Variants in ANK2 observed in about 807,000 individuals in gnomAD.
ANK2 encodes the protein ankyrin-2.
A neutral mutation model predicts 360.5 loss-of-function variants in ANK2; 83 were observed. That is an observed-to-expected ratio of 0.23 (90% CI 0.19 to 0.28). ANK2 has a LOEUF of 0.28. Among genes scored for constraint, ANK2 ranks in the 10% least tolerant of loss-of-function variants. The pLI, the probability that ANK2 is intolerant of heterozygous loss-of-function variation, is 1.00. For missense variants in ANK2, 4,201 were observed against 4,795.7 expected, an observed-to-expected ratio of 0.88 and a Z score of 3.66; for synonymous variants, 1,740 against 1,759.5, an observed-to-expected ratio of 0.99 and a Z score of 0.28.
chr4:113,268,324 G>A (rs1243189220), intron 14 of ANK2, among the ~76,000 whole-genome samples: 1 of 152,114 alleles, frequency 6.6e-6, no homozygotes, highest in African/African-American at 2.4e-5. Flanking sequence ...TTCTTGTCTT[G>A]TGCAGCTTTT....
At chr4:112,936,356 T>A (rs2154241962) in intron 2 of ANK2, among the ~76,000 whole-genome samples, 1 of 152,242 alleles carries the variant, frequency 6.6e-6, no homozygotes, top group African/African-American at 2.4e-5. Flanking sequence ...ATCCTTTTTT[T>A]TTTTTTTGAG....
Position 113,149,822 on chromosome 4 carries a change from A to C in ANK2, c.85-24594A>C, listed in dbSNP as rs1018456493. 1.3e-4 allele frequency among the ~76,000 whole-genome samples: 18 copies of C among 133,848 alleles called. 1 individual carries two copies. The highest frequency in any genetic ancestry group is 4.8e-4 in the African/African-American group (17 of 35,262). The allele number at this position is 133,848 out of a possible 152,430, so 87.8% of individuals were successfully genotyped here. A position where few individuals can be genotyped will look rare whatever the true frequency, so the allele number is the denominator to read the frequency against. On this transcript the variant is annotated intron_variant, in intron 1 of 45. Transcript: ENST00000357077. ...GCCTGGGGAGGTGGAGGCTGCAGTG[A>C]ACTTTGATCGTACCACTGCACTCCA...
At chr4:112,834,087 G>A (rs2060466977) in intron 1 of ANK2, among the ~76,000 whole-genome samples, 1 of 152,090 alleles carries the variant, frequency 6.6e-6, no homozygotes, top group African/African-American at 2.4e-5. Flanking sequence ...GTTGCCTTAT[G>A]CTTTAAAGAA....
chr4:112,881,919 T>C (rs2076801058), intron 1 of ANK2: 1 of 694,626 alleles, frequency 1.4e-6, no homozygotes, highest in Non-Finnish European at 2.6e-6. Flanking sequence ...ATCCACCTTG[T>C]GTGGCTTTGC....
At chr4:113,342,022 A>G (rs879081338) in intron 33 of ANK2, 106 bp downstream of exon 33, 5 of 1,215,536 alleles carry the variant, frequency 4.1e-6, no homozygotes, top group South Asian at 2.8e-5. Context: ...TAAAAAGTGA[A>G]AGACAAGTTC....
chr4:112,900,362 C>G (rs762345239), intron 1 of ANK2, among the ~76,000 whole-genome samples: 1 of 151,864 alleles, frequency 6.6e-6, no homozygotes. Flanking sequence ...GCCTTTTTTT[C>G]TCAATTGGTT....
At chr4:113,232,757 G>T (rs1249460666) in intron 5 of ANK2, among the ~76,000 whole-genome samples, 1 of 152,086 alleles carries the variant, frequency 6.6e-6, no homozygotes, top group East Asian at 1.9e-4. Flanking sequence ...ACTGATTATG[G>T]CAACAACTGA....
intron 2 of ANK2, among the ~76,000 whole-genome samples, chr4:113,006,080 A>G (rs938385493): frequency 6.6e-6 from 1 of 152,206 alleles, no homozygotes; most frequent in African/African-American, 2.4e-5. Flanking sequence ...GTATTCCTTT[A>G]TAGCAACACA....
intron 43 of ANK2, 43 bp downstream of exon 43, chr4:113,369,848 C>A (rs2154067725): frequency 6.2e-7 from 1 of 1,612,230 alleles, no homozygotes; most frequent in Non-Finnish European, 8.5e-7. Context: ...TGTAACAAAG[C>A]TACAAATCTT....
Position 113,288,404 on chromosome 4 carries a change from T to C in ANK2, c.2195T>C (p.Leu732Ser), listed in dbSNP as rs1409882484. The C allele has an allele frequency of 6.2e-7, 1 of 1,613,802 alleles. No individual in the cohort carries two copies. Among genetic ancestry groups the C allele is most frequent in the Non-Finnish European group, 8.5e-7 (1 of 1,179,854 alleles). ...DAHTKLGYTP[L>S]IVACHYGNVK... ...TATTTACAGCTTGGTTACACACCTTTAATTGTGGCCTGTCACTATGGAAAT... is the reference window on the plus strand; with the variant it reads ...TATTTACAGCTTGGTTACACACCTTCAATTGTGGCCTGTCACTATGGAAAT... The change falls in exon 20 of 46, where the codon TTA becomes TCA. Residue 732 changes from leucine to serine, a missense_variant. Coordinates refer to ENST00000357077, the MANE Select transcript of ANK2 (RefSeq NM_001148.6).
chr4:112,719,585 A>G, the ANK2 span, among the ~76,000 whole-genome samples: 2 of 151,966 alleles, frequency 1.3e-5, no homozygotes, highest in Admixed American at 1.3e-4. Context: ...AAAATTAGCC[A>G]GGCGTTGTGG....
At chr4:112,745,350 A>G in the ANK2 span, among the ~76,000 whole-genome samples, 1 of 152,324 alleles carries the variant, frequency 6.6e-6, no homozygotes, top group Admixed American at 6.5e-5. Context: ...TATATGAGAT[A>G]CTTTGATATA....
rs376343877 is a variant in ANK2, at chr4:112,924,059, T to A, written c.21+19545T>A. Among the ~76,000 whole-genome samples the A allele has an allele frequency of 3.3e-5, 5 of 152,172 alleles. No homozygotes were observed. In the East Asian group the frequency reaches 9.6e-4, roughly 29 times the overall value. ...TTTTAAAACTAAGGGCCTTTTAGAT[T>A]TCTTGAAACATCTCTAAAAGATGTG... On this transcript the variant is annotated intron_variant, in intron 2 of 30. Coordinates refer to the ANK2 transcript ENST00000503271.
At chr4:112,883,859 CATATATATATGTATATATATGT>C (rs2077490652) in intron 1 of ANK2, among the ~76,000 whole-genome samples, 1 of 147,622 alleles carries the variant, frequency 6.8e-6, no homozygotes, top group Non-Finnish European at 1.5e-5. Context: ...ATCATTCATT[CATATATATATGTATATATATGT>C]ATATATATGT....
At chr4:112,896,486 G>A (rs899919542) in intron 1 of ANK2, among the ~76,000 whole-genome samples, 3 of 152,070 alleles carry the variant, frequency 2.0e-5, no homozygotes, top group Admixed American at 1.3e-4. Context: ...AAAGAGAAGG[G>A]AGAAAAAAAG....
At chr4:113,047,839 G>A (rs3822281), upstream of ANK2, among the ~76,000 whole-genome samples, 55,202 of 151,696 alleles carry the variant, frequency 0.36, 12,352 homozygotes, top group Non-Finnish European at 0.49. Flanking sequence ...TCCAGATGAT[G>A]ACGTGGAGGG....
chr4:112,821,280 C>T (rs2056948431), intron 1 of ANK2, among the ~76,000 whole-genome samples: 1 of 151,982 alleles, frequency 6.6e-6, no homozygotes, highest in Non-Finnish European at 1.5e-5. Context: ...AACTCCTGGG[C>T]TCAAATGATC....
chr4:113,315,527 C>G (rs527364775), intron 24 of ANK2, among the ~76,000 whole-genome samples: 1 of 152,120 alleles, frequency 6.6e-6, no homozygotes, highest in African/African-American at 2.4e-5. Flanking sequence ...GTATTAGAAA[C>G]AGAAGAGGTT....
At chr4:113,345,171 C>T (rs1017306743) in intron 34 of ANK2, among the ~76,000 whole-genome samples, 4 of 152,078 alleles carry the variant, frequency 2.6e-5, no homozygotes, top group Admixed American at 1.3e-4. Flanking sequence ...GAAAACATTA[C>T]GCTGAGTAAA....
Sources: allele counts gnomAD v4.1 joint callset (sites outside exome capture counted in the v4.1 genomes callset), GRCh38; gene constraint gnomAD v4.1.1; transcripts MANE v1.5; gene names NCBI Gene and HGNC (gene_info 2026-07-23, HGNC 2026-07-21).